Variants in SMR3A observed in about 807,000 individuals in gnomAD.
The protein encoded by SMR3A is submaxillary gland androgen regulated protein 3A, also known as submaxillary gland androgen-regulated protein 3A.
For missense variants in SMR3A, 188 were observed against 163.0 expected (o/e 1.15, Z -0.84); for synonymous variants, 48 against 57.4 (o/e 0.84, Z 0.74).
chr4:70,364,035 TA>T (rs956836135), intron 2 of SMR3A, among the ~76,000 whole-genome samples: 6 of 151,944 alleles, frequency 3.9e-5, no homozygotes, highest in African/African-American at 1.4e-4. Flanking sequence ...GTGATATGAA[TA>T]AAACTTTTAC....
At chr4:70,361,591 T>A (rs1732147916) in intron 1 of SMR3A, among the ~76,000 whole-genome samples, 1 of 151,900 alleles carries the variant, frequency 6.6e-6, no homozygotes. Flanking sequence ...GACTCTTTTT[T>A]TCTTACACTA....
chr4:70,366,335 G>A (rs1484259289), intron 2 of SMR3A, among the ~76,000 whole-genome samples: 2 of 151,586 alleles, frequency 1.3e-5, no homozygotes, highest in Non-Finnish European at 2.9e-5. Flanking sequence ...CTGCCTATGA[G>A]CCAGGGGCCA....
chr4:70,363,713 T>G (rs979360434), intron 2 of SMR3A, among the ~76,000 whole-genome samples: 1 of 152,034 alleles, frequency 6.6e-6, no homozygotes, highest in African/African-American at 2.4e-5. Flanking sequence ...AAAGAATAGA[T>G]ATTTACTATG....
At chr4:70,366,534 G>A (rs1732265403) in intron 2 of SMR3A, 110 bp from the exon 3 acceptor site, 2 of 1,027,994 alleles carry the variant, frequency 1.9e-6, no homozygotes, top group Non-Finnish European at 2.8e-6. Flanking sequence ...CCAGCAGGGA[G>A]TAGAAATCTT....
rs1446167457 is a variant in SMR3A, at chr4:70,366,728, A to G, written c.139A>G (p.Thr47Ala). ...TCCTCCACCATGTTTTCCTTTTGGA[A>G]CAGGATTTGTTCCACCACCCCATCC... Reference protein sequence around the residue: ...PPPPPCFPFGTGFVPPPHPPP... With the variant: ...PPPPPCFPFGAGFVPPPHPPP... The change falls in exon 3 of 3, where the codon ACA (threonine) becomes GCA (alanine). Residue 47 changes from threonine to alanine, a missense_variant. Thr to Ala is a moderately conservative substitution (Grantham distance 58). Transcript: ENST00000226460. 3 of 1,613,268 alleles carry G rather than the reference A, an allele frequency of 1.9e-6. No individual in the cohort carries two copies. The highest frequency in any genetic ancestry group is 4.5e-5 in the East Asian group (2 of 44,814).
intron 2 of SMR3A, among the ~76,000 whole-genome samples, chr4:70,363,436 G>A (rs1315736910): frequency 6.6e-6 from 1 of 151,902 alleles, no homozygotes; most frequent in Non-Finnish European, 1.5e-5. Context: ...TTTTCCAAAT[G>A]CATTACATAC....
intron 1 of SMR3A, among the ~76,000 whole-genome samples, chr4:70,361,441 T>C (rs1406928940): frequency 1.3e-5 from 2 of 151,866 alleles, no homozygotes; most frequent in African/African-American, 2.4e-5. Context: ...CAACTGTGAA[T>C]AAAATATCTG....
At chr4:70,366,504 T>C in intron 2 of SMR3A, 140 bp from the exon 3 acceptor site, 1 of 742,664 alleles carries the variant, frequency 1.3e-6, no homozygotes, top group Non-Finnish European at 2.2e-6. Context: ...GCTCACCTGA[T>C]AAGGTCAGGC....
At chr4:70,361,681 A>T (rs1560521787) in intron 1 of SMR3A, among the ~76,000 whole-genome samples, 2 of 151,880 alleles carry the variant, frequency 1.3e-5, no homozygotes, top group African/African-American at 2.4e-5. Flanking sequence ...TCTAGTTAAT[A>T]TGTTAATATT....
At position 70,366,806 on chromosome 4, in the gene SMR3A, C is replaced by G; in HGVS notation, c.217C>G (p.Pro73Ala). Residue 73 changes from proline to alanine, a missense_variant, in exon 3 of 3, where the codon CCA becomes GCA. Coordinates refer to ENST00000226460, the MANE Select transcript of SMR3A (RefSeq NM_012390.4). ...ACCACCCCTTTCTCCACCCTATGGT[C>G]CAGGGAGAATCCCACCATCCCCTCC... ...FPPPLSPPYG[P>A]GRIPPSPPPP... 1 of 1,613,180 alleles carries G rather than the reference C, an allele frequency of 6.2e-7. No individual in the cohort carries two copies. The highest frequency in any genetic ancestry group is 8.5e-7 in the Non-Finnish European group (1 of 1,179,638).
rs1208376868 is a variant in SMR3A at position 70,366,804 on chromosome 4, G to A, written c.215G>A (p.Gly72Asp). The A allele has an allele frequency of 5.0e-6, 8 of 1,612,900 alleles. No individual in the cohort carries two copies. Among genetic ancestry groups the A allele is most frequent in the Non-Finnish European group, 6.8e-6 (8 of 1,179,628 alleles). Residue 72 changes from glycine to aspartate, a missense_variant, in exon 3 of 3, where the codon GGT (glycine) becomes GAT (aspartate). Physicochemically the swap from Gly to Asp is moderately conservative, Grantham distance 94. Coordinates refer to ENST00000226460, the MANE Select transcript of SMR3A (RefSeq NM_012390.4). ...CCACCACCCCTTTCTCCACCCTATG[G>A]TCCAGGGAGAATCCCACCATCCCCT... ...RFPPPLSPPY[G>D]PGRIPPSPPP...
In SMR3A at chr4:70,366,692, C is replaced by G; in HGVS notation, c.103C>G (p.Leu35Val). 6.2e-7 allele frequency: 1 copy of G among 1,613,290 alleles called. No homozygotes were observed. The highest frequency in any genetic ancestry group is 8.5e-7 in the Non-Finnish European group (1 of 1,179,546). Residue 35 changes from leucine (L) to valine (V), a missense_variant, in exon 3 of 3, where the codon CTG becomes GTG. Leu to Val is a conservative substitution (Grantham distance 32, BLOSUM62 1). Coordinates refer to ENST00000226460, the MANE Select transcript of SMR3A (RefSeq NM_012390.4). The stretch of plus-strand genomic sequence containing the variant: ...CAGGGGACCATATCCACCTGGACCA[C>G]TGGCTCCTCCTCCTCCACCATGTTT... ...GPRGPYPPGP[L>V]APPPPPCFPF...
intron 2 of SMR3A, among the ~76,000 whole-genome samples, chr4:70,364,089 A>T (rs760911944): frequency 3.3e-5 from 5 of 152,068 alleles, no homozygotes; most frequent in Non-Finnish European, 7.4e-5. Context: ...GCAAATGGGA[A>T]GTGAGAAGTG....
Position 70,366,686 on chromosome 4 carries a change from G to C in SMR3A, c.97G>C (p.Gly33Arg), listed in dbSNP as rs1363101876. The C allele has an allele frequency of 2.5e-6, 4 of 1,612,950 alleles. No individual in the cohort carries two copies. Among genetic ancestry groups the C allele is most frequent in the Non-Finnish European group, 2.5e-6 (3 of 1,179,410 alleles). Reference sequence around the variant, plus strand: ...AGGCCCCAGGGGACCATATCCACCTGGACCACTGGCTCCTCCTCCTCCACC... The same window carrying C: ...AGGCCCCAGGGGACCATATCCACCTCGACCACTGGCTCCTCCTCCTCCACC... ...QRGPRGPYPP[G>R]PLAPPPPPCF... The change falls in exon 3 of 3, where the codon GGA becomes CGA. Residue 33 changes from glycine (G) to arginine (R), a missense_variant. Transcript: ENST00000226460.
chr4:70,363,130 CTGATT>C (rs939376752), intron 2 of SMR3A, among the ~76,000 whole-genome samples: 2 of 151,842 alleles, frequency 1.3e-5, no homozygotes, highest in Non-Finnish European at 2.9e-5. Flanking sequence ...CATCATAAAG[CTGATT>C]TTCAACATTT....
rs768218021 is a variant in SMR3A, at chr4:70,366,881, T to C, written c.292T>C (p.Tyr98His). Residue 98 changes from tyrosine to histidine, a missense_variant, in exon 3 of 3, where the codon TAT (tyrosine) becomes CAT (histidine). Coordinates refer to ENST00000226460, the MANE Select transcript of SMR3A (RefSeq NM_012390.4). ...TCAATCACACTCTCTTCCTCCTCCT[T>C]ATGGCCCAGGTTATCCACAGCCACC... ...RIQSHSLPPP[Y>H]GPGYPQPPSQ... 3 of 1,613,556 alleles carry C rather than the reference T, an allele frequency of 1.9e-6. No individual in the cohort carries two copies. Among genetic ancestry groups the C allele is most frequent in the South Asian group, 1.1e-5 (1 of 91,060 alleles).
chr4:70,363,375 G>A (rs1348140133), intron 2 of SMR3A, among the ~76,000 whole-genome samples: 2 of 151,940 alleles, frequency 1.3e-5, no homozygotes, highest in Non-Finnish European at 2.9e-5. Flanking sequence ...GATGGGGTAA[G>A]TCATCATATT....
chr4:70,361,884 C>T (rs934408590), intron 1 of SMR3A, among the ~76,000 whole-genome samples: 11 of 151,838 alleles, frequency 7.2e-5, no homozygotes, highest in South Asian at 4.1e-4. Flanking sequence ...GTTTACAAGT[C>T]AAAAATAAAA....
intron 1 of SMR3A, 125 bp from the exon 2 acceptor site, chr4:70,361,977 G>A: frequency 1.4e-6 from 2 of 1,437,956 alleles, no homozygotes; most frequent in Admixed American, 4.9e-5. Flanking sequence ...ATAATGTTAG[G>A]CAAATTTCCT....
Sources: gnomAD v4.1 joint callset for allele counts (sites outside exome capture counted in the v4.1 genomes callset) on GRCh38, gnomAD v4.1.1 for gene constraint, MANE v1.5 for transcripts, NCBI Gene and HGNC (gene_info 2026-07-23, HGNC 2026-07-21) for gene names.